Variants in RALGAPA2 observed in about 807,000 individuals in gnomAD.
RALGAPA2 encodes Ral GTPase activating protein catalytic subunit alpha 2, also known as ral GTPase-activating protein subunit alpha-2.
A neutral mutation model predicts 230.4 loss-of-function variants in RALGAPA2; 139 were observed. The observed-to-expected ratio is 0.60, with a 90% confidence interval of 0.53 to 0.69. The LOEUF (loss-of-function observed/expected upper bound fraction) is 0.69, where lower values mean the gene tolerates loss of function less well. Among genes scored for constraint, RALGAPA2 ranks in the 30% least tolerant of loss-of-function variants. The pLI is 0.00. For synonymous variants in RALGAPA2, 847 were observed against 837.8 expected, an observed-to-expected ratio of 1.01 and a Z score of -0.19; for missense variants, 2,163 against 2,276.0, an observed-to-expected ratio of 0.95 and a Z score of 1.01.
chr20:20,540,955 C>T (rs970668765), intron 24 of RALGAPA2, among the ~76,000 whole-genome samples: 2 of 151,414 alleles, frequency 1.3e-5, no homozygotes, highest in Admixed American at 1.3e-4. Flanking sequence ...GGAAGAATCA[C>T]TATTTTGGTA....
At chr20:20,563,598 C>G (rs1486880787) in intron 23 of RALGAPA2, among the ~76,000 whole-genome samples, 1 of 152,154 alleles carries the variant, frequency 6.6e-6, no homozygotes, top group African/African-American at 2.4e-5. Flanking sequence ...CTGTCCTATG[C>G]TATAATGTCC....
At chr20:20,614,979 C>T (rs1458247815) in intron 13 of RALGAPA2, among the ~76,000 whole-genome samples, 2 of 152,158 alleles carry the variant, frequency 1.3e-5, no homozygotes, top group South Asian at 4.2e-4. Flanking sequence ...AGCTTGATTG[C>T]ACAAGGGTGG....
chr20:20,522,002 A>G (rs993085106), intron 30 of RALGAPA2, among the ~76,000 whole-genome samples: 5 of 152,248 alleles, frequency 3.3e-5, no homozygotes, highest in Non-Finnish European at 5.9e-5. Flanking sequence ...CAAAAAATGC[A>G]GTATAGGAAA....
intron 31 of RALGAPA2, among the ~76,000 whole-genome samples, chr20:20,515,792 C>T (rs1019030365): frequency 7.4e-5 from 11 of 148,956 alleles, no homozygotes; most frequent in African/African-American, 2.7e-4. Context: ...AACTGAATTT[C>T]GTGATATAAT....
intron 23 of RALGAPA2, among the ~76,000 whole-genome samples, chr20:20,570,441 AG>A (rs1253010372): frequency 2.6e-5 from 4 of 152,232 alleles, no homozygotes; most frequent in African/African-American, 9.6e-5. Flanking sequence ...AAATGCAGAA[AG>A]GACAGTTACT....
chr20:20,433,271 T>C (rs2060537171), intron 37 of RALGAPA2, among the ~76,000 whole-genome samples: 1 of 152,224 alleles, frequency 6.6e-6, no homozygotes. Flanking sequence ...GATTAGGTGA[T>C]AGGCAAACCA....
At chr20:20,676,451 A>G (rs1229662619) in intron 2 of RALGAPA2, among the ~76,000 whole-genome samples, 163 bp from the exon 3 acceptor site, 1 of 135,822 alleles carries the variant, frequency 7.4e-6, no homozygotes, top group Non-Finnish European at 1.6e-5. Flanking sequence ...TTGCAAACAG[A>G]CAACCGAGCC....
chr20:20,430,840 T>C (rs949485843), intron 37 of RALGAPA2, among the ~76,000 whole-genome samples: 4 of 152,158 alleles, frequency 2.6e-5, no homozygotes, highest in African/African-American at 9.7e-5. Flanking sequence ...GGACAGTACA[T>C]GAGCGAGAGA....
chr20:20,645,069 T>TTAAGATGGG (rs2067161908), intron 4 of RALGAPA2, among the ~76,000 whole-genome samples: 1 of 151,814 alleles, frequency 6.6e-6, no homozygotes, highest in Non-Finnish European at 1.5e-5. Context: ...CTTCCCCTTG[T>TTAAGATGGG]TAAGATGGGT....
At chr20:20,580,352 C>T (rs1335606937) in intron 20 of RALGAPA2, among the ~76,000 whole-genome samples, 1 of 152,170 alleles carries the variant, frequency 6.6e-6, no homozygotes, top group East Asian at 1.9e-4. Context: ...ATGTCTTTCA[C>T]ATGCAAACCT....
At chr20:20,543,883 AAAAAT>A (rs1377047300) in intron 24 of RALGAPA2, among the ~76,000 whole-genome samples, 4 of 151,896 alleles carry the variant, frequency 2.6e-5, no homozygotes, top group African/African-American at 9.7e-5. Flanking sequence ...GTATAATAAT[AAAAAT>A]AAAATAAAAT....
intron 37 of RALGAPA2, among the ~76,000 whole-genome samples, chr20:20,468,963 T>TTGTGTGTGTGTGTGTGTGTGTG (rs754994354): frequency 7.0e-6 from 1 of 143,292 alleles, no homozygotes; most frequent in African/African-American, 2.5e-5. Flanking sequence ...GTGTGTGTGT[T>TTGTGTGTGTGTGTGTGTGTGTG]TGTGTGTGTG....
chr20:20,623,345 T>G (rs1024344838), intron 10 of RALGAPA2, among the ~76,000 whole-genome samples: 1 of 151,992 alleles, frequency 6.6e-6, no homozygotes, highest in Non-Finnish European at 1.5e-5. Context: ...ATAGACAAGA[T>G]AGACTTTGCG....
intron 37 of RALGAPA2, 174 bp downstream of exon 37, chr20:20,472,655 T>C (rs2061565362): frequency 3.8e-6 from 2 of 528,712 alleles, no homozygotes; most frequent in South Asian, 8.8e-5. Context: ...AATTATTATA[T>C]TTAATATAAA....
intron 23 of RALGAPA2, among the ~76,000 whole-genome samples, chr20:20,556,732 C>T (rs1329927165): frequency 1.3e-5 from 2 of 152,282 alleles, no homozygotes; most frequent in South Asian, 2.1e-4. Context: ...GAGTGCTAGA[C>T]GCTGGTACAG....
chr20:20,672,830 A>G (rs962793493), intron 3 of RALGAPA2, among the ~76,000 whole-genome samples: 1 of 152,242 alleles, frequency 6.6e-6, no homozygotes, highest in African/African-American at 2.4e-5. Context: ...ACCAAGCAAG[A>G]TAAGAAATCT....
At chr20:20,628,931 G>A (rs16982050) in intron 10 of RALGAPA2, among the ~76,000 whole-genome samples, 4,442 of 152,016 alleles carry the variant, frequency 0.029, 85 homozygotes, top group South Asian at 0.061. Flanking sequence ...AGTGCCACAC[G>A]CCTCTGCAGA....
At chr20:20,542,832 T>C (rs2063684246) in intron 24 of RALGAPA2, among the ~76,000 whole-genome samples, 1 of 152,110 alleles carries the variant, frequency 6.6e-6, no homozygotes, top group African/African-American at 2.4e-5. Context: ...GGCAACACCA[T>C]TCAGGACATA....
intron 21 of RALGAPA2, 118 bp downstream of exon 21, chr20:20,572,753 TTGTC>T (rs2064686654): frequency 1.2e-6 from 1 of 827,620 alleles, no homozygotes; most frequent in East Asian, 2.9e-5. Context: ...CAAATGGACT[TTGTC>T]TAAATGTACC....
Sources: allele counts gnomAD v4.1 joint callset (sites outside exome capture counted in the v4.1 genomes callset), GRCh38; gene constraint gnomAD v4.1.1; transcripts MANE v1.5; gene names NCBI Gene and HGNC (gene_info 2026-07-23, HGNC 2026-07-21).